WSB2: variants seen among roughly 807,000 people sequenced by gnomAD.
WSB2 encodes the protein WD repeat and SOCS box-containing protein 2.
WSB2 carries 12 observed loss-of-function variants against 48.8 expected under a neutral mutation model. The observed-to-expected ratio is 0.25, with a 90% CI of 0.16 to 0.40. The LOEUF is 0.40. Ranked by LOEUF, WSB2 falls within the 10% of genes least tolerant of loss-of-function variation. WSB2 has a pLI of 1.00. For missense variants in WSB2, 317 were observed against 506.2 expected, an observed-to-expected ratio of 0.63 and a Z score of 3.59; for synonymous variants, 191 against 203.1, an observed-to-expected ratio of 0.94 and a Z score of 0.51.
intron 2 of WSB2, among the ~76,000 whole-genome samples, chr12:118,049,298 G>T (rs543623589): frequency 8.1e-4 from 123 of 152,130 alleles, no homozygotes; most frequent in African/African-American, 2.7e-3. Context: ...TAAAATTTTC[G>T]TAACCATCCT....
intron 5 of WSB2, 114 bp downstream of exon 5, chr12:118,038,174 A>C: frequency 1.0e-6 from 1 of 956,372 alleles, no homozygotes; most frequent in South Asian, 1.9e-5. Context: ...GCCCACCAGC[A>C]TGCCTTCTAT....
At chr12:118,058,731 T>C (rs12579444) in intron 1 of WSB2, among the ~76,000 whole-genome samples, 26,770 of 148,260 alleles carry the variant, frequency 0.18, 2,417 homozygotes, top group African/African-American at 0.21. Context: ...AGTTTCACTC[T>C]TGTTGCCCAG....
In WSB2 at chr12:118,045,098, C is replaced by T. The variant is rs577664286; in HGVS notation, c.183-1721G>A. 5.3e-5 allele frequency among the ~76,000 whole-genome samples: 8 copies of T among 152,180 alleles called. No individual in the cohort carries two copies. The South Asian group carries it at 8.3e-4, about 16-fold the overall frequency. ...AATACACAAAAGAATTTTAACTGGC[C>T]GGGTGCGGTGGCTCATGCTTGTAAT... On this transcript the variant is annotated intron_variant, in intron 2 of 8. Coordinates refer to ENST00000315436, the MANE Select transcript of WSB2 (RefSeq NM_018639.5).
chr12:118,054,468 C>T (rs919600923), intron 1 of WSB2, among the ~76,000 whole-genome samples: 4 of 151,574 alleles, frequency 2.6e-5, no homozygotes, highest in East Asian at 3.9e-4. Flanking sequence ...GTCGGGAGTT[C>T]GAGACCAGCC....
intron 4 of WSB2, 64 bp from the exon 5 acceptor site, chr12:118,038,452 G>T (rs1191836310): frequency 6.6e-7 from 1 of 1,509,922 alleles, no homozygotes; most frequent in Non-Finnish European, 9.1e-7. Flanking sequence ...TGGAGAACGG[G>T]AGAACTGGGG....
rs2031476593 is a variant in WSB2 at position 118,035,099 on chromosome 12, T to G, written c.945-6A>C. On this transcript the variant is annotated splice_polypyrimidine_tract_variant and splice_region_variant and intron_variant, in intron 7 of 8. Transcript: ENST00000315436. ...GGGCCCAGATCCTGAGGAGTCTGGA[T>G]GGGGAGAGAGAACATCTGGATATTA... The G allele has an allele frequency of 6.2e-7, 1 of 1,613,852 alleles. No homozygotes were observed. Among genetic ancestry groups the G allele is most frequent in the African/African-American group, 1.3e-5 (1 of 74,904 alleles).
At position 118,035,197 on chromosome 12, in the gene WSB2, A is replaced by G; in HGVS notation, c.944+17T>C. On this transcript the variant is annotated intron_variant, in intron 7 of 8. Transcript: ENST00000315436. ...GCACTTGTTCTGAGGCCATGTAAAGAGAGTTCTCTTCGTTACCTGTCATCT... is the reference window on the plus strand; with the variant it reads ...GCACTTGTTCTGAGGCCATGTAAAGGGAGTTCTCTTCGTTACCTGTCATCT... The G allele has an allele frequency of 6.2e-7, 1 of 1,613,964 alleles. No homozygotes were observed. The highest frequency in any genetic ancestry group is 8.5e-7 in the Non-Finnish European group (1 of 1,179,820).
At chr12:118,058,317 ACTAT>A (rs1199189488) in intron 1 of WSB2, among the ~76,000 whole-genome samples, 1 of 152,014 alleles carries the variant, frequency 6.6e-6, no homozygotes, top group African/African-American at 2.4e-5. Context: ...TCCTGGCCTC[ACTAT>A]CTAAAGCGAC....
chr12:118,035,349 C>A (rs767355073), intron 6 of WSB2, 25 bp from the exon 7 acceptor site: 1 of 1,607,030 alleles, frequency 6.2e-7, no homozygotes, highest in South Asian at 1.1e-5. Flanking sequence ...AACAGGATGG[C>A]AGGCCTGGAG....
At chr12:118,040,949 T>C (rs1456380853) in intron 4 of WSB2, among the ~76,000 whole-genome samples, 1 of 152,228 alleles carries the variant, frequency 6.6e-6, no homozygotes, top group Non-Finnish European at 1.5e-5. Context: ...CTTGGGAGGC[T>C]GAGACACAAG....
At chr12:118,036,918 A>C (rs1425010451) in intron 5 of WSB2, among the ~76,000 whole-genome samples, 2 of 152,238 alleles carry the variant, frequency 1.3e-5, no homozygotes, top group Admixed American at 1.3e-4. Flanking sequence ...ACGATGGCTC[A>C]TGCCTGTAAT....
rs2031486192 is a variant in WSB2 at position 118,035,335 on chromosome 12, A to G, written c.834-11T>C. ...TCAACCTGGGTGTGGCTGGGAAGGAAAGAAACAGGATGGCAGGCCTGGAGT... is the reference window on the plus strand; with the variant it reads ...TCAACCTGGGTGTGGCTGGGAAGGAGAGAAACAGGATGGCAGGCCTGGAGT... On this transcript the variant is annotated splice_polypyrimidine_tract_variant and intron_variant, in intron 6 of 8. Transcript: ENST00000315436. 1.2e-6 allele frequency: 2 copies of G among 1,612,874 alleles called. No homozygotes were observed. The highest frequency in any genetic ancestry group is 1.7e-6 in the Non-Finnish European group (2 of 1,179,294).
chr12:118,060,948 A>AC lies in WSB2; in HGVS notation c.13+87_13+88insG. On this transcript the variant is annotated intron_variant, in intron 1 of 8. Coordinates refer to ENST00000315436, the MANE Select transcript of WSB2 (RefSeq NM_018639.5). This position sits in a 1 kb window ranked among gnomAD's most constrained non-coding sequence, Gnocchi z 4.1. Reference sequence around the variant, plus strand: ...GTCCAGCCCCCGCCCCACCCCGCCCAGCCCGCCCCGGGGTCGCCTCCCCCC... The same window carrying AC: ...GTCCAGCCCCCGCCCCACCCCGCCCACGCCCGCCCCGGGGTCGCCTCCCCCC... The AC allele has an allele frequency of 5.7e-5, 9 of 157,038 alleles. No homozygotes were observed. The highest frequency in any genetic ancestry group is 2.6e-4 in the East Asian group (1 of 3,778). 9.7% of individuals were successfully genotyped at this position (157,038 alleles called of 1,614,324 possible).
At chr12:118,048,011 C>G (rs569359771) in intron 2 of WSB2, among the ~76,000 whole-genome samples, 2 of 152,228 alleles carry the variant, frequency 1.3e-5, no homozygotes, top group South Asian at 4.1e-4. Flanking sequence ...ACTGCAGCCT[C>G]TAATTCCTGG....
intron 2 of WSB2, among the ~76,000 whole-genome samples, chr12:118,045,608 A>G (rs2031729979): frequency 1.3e-5 from 2 of 149,938 alleles, no homozygotes; most frequent in Admixed American, 6.7e-5. Flanking sequence ...GCTACTCAGG[A>G]GGCTGATGTG....
At position 118,043,199 on chromosome 12, in the gene WSB2, C is replaced by T; in HGVS notation, c.361G>A (p.Val121Ile). ...CCCGTAGCAAGAACCAGGCAAGAGA[C>T]ATCGGGCACTTGGGGGTGGTGGCGT... The part of the protein sequence containing the change: ...WARHHPQVPD[V>I]SCLVLATGLN... Residue 121 changes from valine to isoleucine, a missense_variant, in exon 3 of 9, where the codon GTC (valine) becomes ATC (isoleucine). This residue lies in a region of WSB2 where 128 missense variants were observed against 156.7 expected (regional missense o/e 0.82). Transcript: ENST00000315436. The T allele has an allele frequency of 6.2e-7, 1 of 1,614,244 alleles. No homozygotes were observed. The highest frequency in any genetic ancestry group is 1.1e-5 in the South Asian group (1 of 91,084).
intron 2 of WSB2, among the ~76,000 whole-genome samples, chr12:118,046,519 G>A (rs968267279): frequency 4.6e-5 from 7 of 150,600 alleles, no homozygotes; most frequent in South Asian, 2.1e-4. Flanking sequence ...GGTCTAAATC[G>A]CCAAATATAG....
At chr12:118,049,105 T>C (rs112535980) in intron 2 of WSB2, among the ~76,000 whole-genome samples, 2,175 of 152,346 alleles carry the variant, frequency 0.014, 49 homozygotes, top group African/African-American at 0.049. Context: ...ATAATTCATA[T>C]AGTAAATTTA....
intron 2 of WSB2, among the ~76,000 whole-genome samples, chr12:118,051,384 T>A (rs1467993339): frequency 6.6e-6 from 1 of 152,138 alleles, no homozygotes; most frequent in Admixed American, 6.6e-5. Context: ...CCAATGTCCA[T>A]CAACTGATAA....
Sources: allele counts gnomAD v4.1 joint callset (sites outside exome capture counted in the v4.1 genomes callset), GRCh38; gene constraint gnomAD v4.1.1; regional missense constraint gnomAD v4.1.1; non-coding constraint Gnocchi (gnomAD v3.1); transcripts MANE v1.5; gene names NCBI Gene and HGNC (gene_info 2026-07-23, HGNC 2026-07-21).